Variants in MAPKAPK3 observed in about 807,000 individuals in gnomAD.
MAPKAPK3 encodes MAP kinase-activated protein kinase 3.
MAPKAPK3 carries 35 observed loss-of-function variants against 49.2 expected under a neutral mutation model. The ratio of observed to expected loss-of-function variants is 0.71; its 90% CI spans 0.54 to 0.94. The LOEUF (loss-of-function observed/expected upper bound fraction) is 0.94, where lower values mean the gene tolerates loss of function less well. Among genes scored for constraint, MAPKAPK3 ranks in the 40% least tolerant of loss-of-function variants. The pLI, the probability that MAPKAPK3 is intolerant of heterozygous loss-of-function variation, is 0.00. For missense variants in MAPKAPK3, 398 were observed against 493.1 expected, an observed-to-expected ratio of 0.81 and a Z score of 1.83; for synonymous variants, 178 against 188.7, an observed-to-expected ratio of 0.94 and a Z score of 0.46.
chr3:50,635,499 C>A (rs924477389), intron 2 of MAPKAPK3, among the ~76,000 whole-genome samples: 2 of 137,558 alleles, frequency 1.5e-5, no homozygotes, highest in Non-Finnish European at 3.1e-5. Flanking sequence ...CTCACTGCAA[C>A]CTCCGCCTCC....
intron 2 of MAPKAPK3, among the ~76,000 whole-genome samples, chr3:50,632,650 C>T (rs1271715343): frequency 1.3e-5 from 2 of 152,184 alleles, no homozygotes; most frequent in South Asian, 2.1e-4. Context: ...ATTACTGCCT[C>T]GTTGATGGGA....
intron 2 of MAPKAPK3, among the ~76,000 whole-genome samples, chr3:50,624,790 T>C (rs550863472): frequency 6.6e-6 from 1 of 152,286 alleles, no homozygotes; most frequent in East Asian, 1.9e-4. Flanking sequence ...TGAAGGCCCA[T>C]GGGCAAGAGC....
At chr3:50,647,290 T>C in intron 10 of MAPKAPK3, 87 bp downstream of exon 10, 1 of 1,096,942 alleles carries the variant, frequency 9.1e-7, no homozygotes, top group Non-Finnish European at 1.3e-6. Flanking sequence ...GGGTCTGGGG[T>C]CTTTGGCCCC....
chr3:50,626,225 G>A (rs979935678), intron 2 of MAPKAPK3, among the ~76,000 whole-genome samples: 8 of 152,214 alleles, frequency 5.3e-5, no homozygotes, highest in African/African-American at 1.7e-4. Context: ...CCTAGCCACA[G>A]TGAGGTATAG....
rs1446782971 is a variant in MAPKAPK3, at chr3:50,648,827, A to G, written c.*781A>G. On this transcript the variant is annotated 3_prime_UTR_variant, in exon 11 of 11. Transcript: ENST00000621469. ...TTCCACTTTGGAAAATGTCACTGTGACAAAAGCCAGCATACTTTCCCTGCA... is the reference window on the plus strand; with the variant it reads ...TTCCACTTTGGAAAATGTCACTGTGGCAAAAGCCAGCATACTTTCCCTGCA... 1 of 152,266 alleles carries G rather than the reference A, an allele frequency of 6.6e-6. No homozygotes were observed. Among genetic ancestry groups the G allele is most frequent in the Non-Finnish European group, 1.5e-5 (1 of 68,052 alleles). 9.4% of individuals were successfully genotyped at this position (152,266 alleles called of 1,614,324 possible). A position where few individuals can be genotyped will look rare whatever the true frequency, so the allele number is the denominator to read the frequency against.
At chr3:50,619,138 T>C (rs1355242828) in intron 2 of MAPKAPK3, among the ~76,000 whole-genome samples, 2 of 152,066 alleles carry the variant, frequency 1.3e-5, no homozygotes, top group East Asian at 1.9e-4. Flanking sequence ...AGATAAGGAG[T>C]TGTTGTGAAC....
chr3:50,626,083 C>CG (rs1023621731), intron 2 of MAPKAPK3, among the ~76,000 whole-genome samples: 4 of 151,754 alleles, frequency 2.6e-5, no homozygotes, highest in Non-Finnish European at 4.4e-5. Flanking sequence ...CCCCGCCACC[C>CG]CCCCATGGCT....
At chr3:50,626,265 C>G (rs1256013616) in intron 2 of MAPKAPK3, among the ~76,000 whole-genome samples, 6 of 152,150 alleles carry the variant, frequency 3.9e-5, no homozygotes, top group African/African-American at 1.4e-4. Flanking sequence ...TGAGTCAGAG[C>G]CTTAGAGCCA....
chr3:50,638,163 G>C (rs2033087737), intron 2 of MAPKAPK3, among the ~76,000 whole-genome samples: 1 of 152,168 alleles, frequency 6.6e-6, no homozygotes, highest in Non-Finnish European at 1.5e-5. Context: ...GCAGTGAGGA[G>C]GGAGTGTGGG....
At chr3:50,615,425 G>A (rs568728645), upstream of MAPKAPK3, among the ~76,000 whole-genome samples, 2 of 152,364 alleles carry the variant, frequency 1.3e-5, no homozygotes, top group South Asian at 2.1e-4. Flanking sequence ...GACTGCATGT[G>A]TACATGTGTG....
intron 2 of MAPKAPK3, among the ~76,000 whole-genome samples, 161 bp downstream of exon 2, chr3:50,617,945 C>T (rs2032514626): frequency 6.6e-6 from 1 of 152,254 alleles, no homozygotes; most frequent in African/African-American, 2.4e-5. Flanking sequence ...CTCCCTACTT[C>T]ACAGATGGGG....
rs769508657 is a variant in MAPKAPK3 at position 50,642,330 on chromosome 3, A to C, written c.502A>C (p.Lys168Gln). ...CCATAACATTGCCCACCGAGATGTC[A>C]AGGTGAGGCTCCAGGATTCAGGTTG... The part of the protein sequence containing the change: ...HSHNIAHRDV[K>Q]PENLLYTSKE... Residue 168 changes from lysine (K) to glutamine (Q), a missense_variant and splice_region_variant, in exon 5 of 11, where the codon AAG becomes CAG. By Grantham distance (53) the Lys-to-Gln change is moderately conservative. Transcript: ENST00000621469. The C allele has an allele frequency of 6.2e-7, 1 of 1,611,718 alleles. No individual in the cohort carries two copies. Among genetic ancestry groups the C allele is most frequent in the Non-Finnish European group, 8.5e-7 (1 of 1,179,316 alleles).
intron 9 of MAPKAPK3, 72 bp from the exon 10 acceptor site, chr3:50,647,051 A>T: frequency 7.5e-7 from 1 of 1,327,550 alleles, no homozygotes; most frequent in Non-Finnish European, 1.1e-6. Context: ...GGAGAAGAGG[A>T]TGGAGTAGGG....
At chr3:50,645,828 C>T (rs2033278181) in intron 7 of MAPKAPK3, 43 bp downstream of exon 7, 1 of 1,581,838 alleles carries the variant, frequency 6.3e-7, no homozygotes, top group African/African-American at 1.3e-5. Flanking sequence ...CCTGCCCTTA[C>T]CCCCACTGTG....
At position 50,617,732 on chromosome 3, in the gene MAPKAPK3, G is replaced by A; in HGVS notation, c.167G>A (p.Gly56Asp). The change falls in exon 2 of 11, where the codon GGC becomes GAC. Residue 56 changes from glycine to aspartate, a missense_variant. Physicochemically the swap from Gly to Asp is moderately conservative, Grantham distance 94 (BLOSUM62 -1). Coordinates refer to ENST00000621469, the MANE Select transcript of MAPKAPK3 (RefSeq NM_001243925.2). ...SKQVLGLGVN[G>D]KVLECFHRRT... ...CAGGTGCTGGGCCTGGGTGTGAACG[G>A]CAAAGTGCTGGAGTGCTTCCATCGG... 3 of 1,613,686 alleles carry A rather than the reference G, an allele frequency of 1.9e-6. No homozygotes were observed. The highest frequency in any genetic ancestry group is 2.5e-6 in the Non-Finnish European group (3 of 1,179,998).
chr3:50,619,258 C>A (rs1244955655), intron 2 of MAPKAPK3, among the ~76,000 whole-genome samples: 1 of 152,182 alleles, frequency 6.6e-6, no homozygotes, highest in Non-Finnish European at 1.5e-5. Flanking sequence ...GAGCAGGGAG[C>A]TGGACCCAGC....
Position 50,617,587 on chromosome 3 carries a change from G to A in MAPKAPK3, c.22G>A (p.Glu8Lys). The stretch of plus-strand genomic sequence containing the variant: ...GGCCATGGATGGTGAAACAGCAGAG[G>A]AGCAGGGGGGCCCTGTGCCCCCGCC... Reference protein sequence around the residue: MDGETAEEQGGPVPPPVA... With the variant: MDGETAEKQGGPVPPPVA... The change falls in exon 2 of 11, where the codon GAG (glutamate) becomes AAG (lysine). Residue 8 changes from glutamate to lysine, a missense_variant. Physicochemically the swap from Glu to Lys is moderately conservative, Grantham distance 56. Transcript: ENST00000621469. The A allele has an allele frequency of 1.3e-6, 2 of 1,584,086 alleles. No homozygotes were observed. The highest frequency in any genetic ancestry group is 1.7e-6 in the Non-Finnish European group (2 of 1,155,978).
At chr3:50,640,595 T>G (rs1336404551) in intron 3 of MAPKAPK3, 90 bp downstream of exon 3, 2 of 1,468,410 alleles carry the variant, frequency 1.4e-6, no homozygotes, top group Middle Eastern at 2.5e-4. Context: ...TCTTTGTTTT[T>G]CAGGTAGCAG....
At chr3:50,632,178 G>A (rs1030153171) in intron 2 of MAPKAPK3, among the ~76,000 whole-genome samples, 4 of 152,296 alleles carry the variant, frequency 2.6e-5, no homozygotes, top group Admixed American at 2.6e-4. Context: ...TTGCCAGAAG[G>A]TTTTCTCCTA....
Sources: gnomAD v4.1 joint callset for allele counts (sites outside exome capture counted in the v4.1 genomes callset) on GRCh38, gnomAD v4.1.1 for gene constraint, MANE v1.5 for transcripts, NCBI Gene and HGNC (gene_info 2026-07-23, HGNC 2026-07-21) for gene names.